NBPF9: variants seen among roughly 807,000 people sequenced by gnomAD.
NBPF9 encodes NBPF family member NBPF9.
In NBPF9, 91 loss-of-function variants were observed where a neutral mutation model predicts 97.8. That is an observed-to-expected ratio of 0.93 (90% CI 0.79 to 1.11). The LOEUF is 1.11. Ranked by LOEUF, NBPF9 falls within the 50% of genes least tolerant of loss-of-function variation. The pLI, the probability that NBPF9 is intolerant of heterozygous loss-of-function variation, is 0.00. For synonymous variants in NBPF9, 334 were observed against 359.5 expected (o/e 0.93, Z 0.80); for missense variants, 992 against 939.5 (o/e 1.06, Z -0.73).
At chr1:149,056,158 T>C (rs1201656677) in intron 29 of NBPF9, among the ~76,000 whole-genome samples, 1 of 151,540 alleles carries the variant, frequency 6.6e-6, no homozygotes, top group Non-Finnish European at 1.5e-5. Flanking sequence ...CCAGGTGACA[T>C]ACTGGTAAGG....
chr1:149,095,638 A>G (rs2081703770), intron 4 of NBPF9, among the ~76,000 whole-genome samples: 1 of 149,706 alleles, frequency 6.7e-6, no homozygotes, highest in Admixed American at 6.6e-5. Flanking sequence ...AAAAAAAAAA[A>G]AAAGGTGAAA....
At position 149,059,460 on chromosome 1, in the gene NBPF9, A is replaced by G. The variant is rs1458559050; in HGVS notation, c.2585+240T>C. 25 of 400,570 alleles carry G rather than the reference A, an allele frequency of 6.2e-5. 7 individuals carry two copies. Among genetic ancestry groups the G allele is most frequent in the Non-Finnish European group, 1.1e-4 (24 of 221,610 alleles). The allele number at this position is 400,570 out of a possible 1,614,324, so 24.8% of individuals were successfully genotyped here. On this transcript the variant is annotated intron_variant, in intron 25 of 29. Coordinates refer to ENST00000584027, the Ensembl canonical transcript of NBPF9. ...TTCCATAAAATATGCTCAAAATTCG[A>G]TGCAGTGGCCATGAAAGTACAGCTT... is the stretch of plus-strand genomic sequence containing the variant.
intron 11 of NBPF9, among the ~76,000 whole-genome samples, chr1:149,076,170 T>G (rs1422420471): frequency 6.6e-6 from 1 of 151,850 alleles, no homozygotes. Flanking sequence ...GCACAAAAGA[T>G]TTCATTTTGC....
chr1:149,063,411 G>A lies in NBPF9; in HGVS notation c.2026+222C>T, dbSNP rs1160464404. Among the ~76,000 whole-genome samples the A allele has an allele frequency of 2.4e-3, 342 of 140,476 alleles. 3 individuals carry two copies. The highest frequency in any genetic ancestry group is 0.017 in the South Asian group (70 of 4,038). 92.2% of individuals were successfully genotyped at this position (140,476 alleles called of 152,430 possible). ...AATGTCATGAGAGTAGGATTAGGGC[G>A]CCACAGGCATGGCCTGAGACTAGGA... On this transcript the variant is annotated intron_variant, in intron 20 of 29. Transcript: ENST00000584027.
chr1:149,089,626 A>C (rs1356927170), intron 5 of NBPF9, among the ~76,000 whole-genome samples: 13 of 152,304 alleles, frequency 8.5e-5, no homozygotes, highest in Non-Finnish European at 1.3e-4. Context: ...GGAGAATACT[A>C]GCTAATAACG....
intron 26 of NBPF9, 118 bp downstream of exon 26, chr1:149,058,807 T>C: frequency 2.9e-6 from 2 of 694,532 alleles, no homozygotes; most frequent in East Asian, 2.7e-5. Context: ...TATGCGCCCA[T>C]AGGTCCTGCC....
intron 12 of NBPF9, among the ~76,000 whole-genome samples, chr1:149,075,054 C>T (rs2079739960): frequency 6.6e-6 from 1 of 151,406 alleles, no homozygotes; most frequent in South Asian, 2.1e-4. Context: ...TCATGATCTG[C>T]CCGCCTCAGC....
chr1:149,073,143 G>C (rs1348592437), intron 13 of NBPF9, among the ~76,000 whole-genome samples: 2 of 148,864 alleles, frequency 1.3e-5, no homozygotes, highest in African/African-American at 4.9e-5. Flanking sequence ...CAAGATCCTC[G>C]ATGATGTTCC....
intron 3 of NBPF9, 146 bp downstream of exon 3, chr1:149,101,116 G>A (rs1186490684): frequency 1.2e-4 from 18 of 151,714 alleles, no homozygotes; most frequent in African/African-American, 4.3e-4. Flanking sequence ...GCTGGGTGCA[G>A]TGGCTCATGC....
At chr1:149,093,026 G>A (rs2081507353) in intron 4 of NBPF9, among the ~76,000 whole-genome samples, 1 of 151,790 alleles carries the variant, frequency 6.6e-6, no homozygotes, top group South Asian at 2.1e-4. Context: ...ACCCATGCCG[G>A]CACTGGCCTC....
rs782589439 is a variant in NBPF9, at chr1:149,078,991, C to T, written c.493+16G>A. 104 of 1,186,484 alleles carry T rather than the reference C, an allele frequency of 8.8e-5. No individual in the cohort carries two copies. In the Admixed American group the frequency reaches 1.9e-3, roughly 21 times the overall value. The allele number at this position is 1,186,484 out of a possible 1,614,324, so 73.5% of individuals were successfully genotyped here. ...AGCCTGGGGTTTTGGGTCATCAGGGCCTATGGCCACCTTACCTGGGCTGAG... is the reference window on the plus strand; with the variant it reads ...AGCCTGGGGTTTTGGGTCATCAGGGTCTATGGCCACCTTACCTGGGCTGAG... On this transcript the variant is annotated intron_variant, in intron 9 of 29. Coordinates refer to ENST00000584027, the Ensembl canonical transcript of NBPF9.
intron 19 of NBPF9, 97 bp downstream of exon 19, chr1:149,064,334 A>C: frequency 1.3e-6 from 1 of 777,852 alleles, no homozygotes; most frequent in Admixed American, 2.1e-5. Context: ...TTGTCTGACA[A>C]GACAAAATCA....
chr1:149,074,738 G>A (rs1346312510), intron 12 of NBPF9, among the ~76,000 whole-genome samples: 3 of 151,300 alleles, frequency 2.0e-5, no homozygotes, highest in Non-Finnish European at 3.0e-5. Context: ...ACAAGACTCT[G>A]TGCCCCAGGA....
intron 15 of NBPF9, 75 bp from the exon 16 acceptor site, chr1:149,071,214 T>A (rs1575836854): frequency 8.9e-7 from 1 of 1,126,224 alleles, no homozygotes; most frequent in Admixed American, 2.0e-5. Context: ...TCCTAGCTGG[T>A]TTTGACAGGC....
At chr1:149,067,561 T>C (rs1553652062) in intron 17 of NBPF9, among the ~76,000 whole-genome samples, 2 of 148,608 alleles carry the variant, frequency 1.3e-5, no homozygotes, top group African/African-American at 5.1e-5. Context: ...ACATGCGGTA[T>C]TTGGTTTTTT....
At chr1:149,083,390 CAG>C (rs1420283410) in intron 5 of NBPF9, among the ~76,000 whole-genome samples, 1 of 111,252 alleles carries the variant, frequency 9.0e-6, no homozygotes, top group Non-Finnish European at 1.8e-5. Flanking sequence ...AAATGTTGGA[CAG>C]AGTTTTGCAA....
chr1:149,058,693 C>G (rs1553649575), intron 26 of NBPF9: 127 of 320,954 alleles, frequency 4.0e-4, no homozygotes, highest in Admixed American at 1.6e-3. Context: ...TGAGAGCGGG[C>G]TCAGGTTGCC....
downstream of NBPF9, among the ~76,000 whole-genome samples, chr1:149,052,806 GAGGAT>G (rs2077987447): frequency 6.8e-6 from 1 of 146,476 alleles, no homozygotes; most frequent in South Asian, 2.3e-4. Context: ...TTTGAAGTAG[GAGGAT>G]AGGAGGGAGC....
At chr1:149,072,738 A>G in exon 14 of NBPF9, 2 of 1,611,442 alleles carry the variant, frequency 1.2e-6, no homozygotes, top group Non-Finnish European at 1.7e-6. Flanking sequence ...CTTTTGGACA[A>G]GGTGCTGTGC....
Sources: allele counts gnomAD v4.1 joint callset (sites outside exome capture counted in the v4.1 genomes callset), GRCh38; gene constraint gnomAD v4.1.1; transcripts MANE v1.5; gene names NCBI Gene and HGNC (gene_info 2026-07-23, HGNC 2026-07-21).